CHN2: variants seen among roughly 807,000 people sequenced by gnomAD.
CHN2 encodes beta-chimaerin.
A neutral mutation model predicts 56.3 loss-of-function variants in CHN2; 35 were observed. The observed-to-expected ratio is 0.62, with a 90% CI of 0.47 to 0.82. The LOEUF (loss-of-function observed/expected upper bound fraction) is 0.82, where lower values mean the gene tolerates loss of function less well. CHN2 is among the 40% of genes least tolerant of loss of function. The pLI is 0.00. For missense variants in CHN2, 491 were observed against 580.5 expected (o/e 0.85, Z 1.58); for synonymous variants, 210 against 212.8 (o/e 0.99, Z 0.12).
At chr7:29,146,811 T>A in intron 1 of CHN2, 1 of 1,550,312 alleles carries the variant, frequency 6.5e-7, no homozygotes, top group Admixed American at 2.0e-5. Flanking sequence ...TATCTTAAAA[T>A]TTCAACCCTG....
chr7:29,308,459 TG>T (rs1392260103), intron 1 of CHN2, among the ~76,000 whole-genome samples: 3 of 31,104 alleles, frequency 9.6e-5, no homozygotes, highest in African/African-American at 3.3e-4. Context: ...GCAAGGTGGT[TG>T]GGGTGTGTGT....
intron 6 of CHN2, among the ~76,000 whole-genome samples, chr7:29,471,258 A>C (rs997575070): frequency 6.6e-6 from 1 of 152,368 alleles, no homozygotes; most frequent in Non-Finnish European, 1.5e-5. Context: ...CAAAACAAAA[A>C]AGCAAATAAT....
At chr7:29,251,682 A>G (rs2128819465) in intron 1 of CHN2, among the ~76,000 whole-genome samples, 1 of 152,318 alleles carries the variant, frequency 6.6e-6, no homozygotes, top group East Asian at 1.9e-4. Context: ...TTTGATAAAC[A>G]GAGATTTCAC....
In CHN2 at chr7:29,434,685, A is replaced by C. The variant is rs367785039; in HGVS notation, c.576+33857A>C. Among the ~76,000 whole-genome samples, 99 of 152,278 alleles carry C rather than the reference A, an allele frequency of 6.5e-4. 2 individuals carry two copies. In the South Asian group the frequency reaches 0.011, roughly 17 times the overall value. Reference sequence around the variant, plus strand: ...TTACATCTGCCAAGATCCTATTTCCAAATAAGGCCATAGTCGCAGGTACTG... The same window carrying C: ...TTACATCTGCCAAGATCCTATTTCCCAATAAGGCCATAGTCGCAGGTACTG... On this transcript the variant is annotated intron_variant, in intron 6 of 12. Transcript: ENST00000222792.
At chr7:29,418,219 T>A (rs1803975757) in intron 6 of CHN2, among the ~76,000 whole-genome samples, 1 of 152,216 alleles carries the variant, frequency 6.6e-6, no homozygotes, top group Admixed American at 6.5e-5. Flanking sequence ...TCAGATGGGA[T>A]GTTTTGGAGT....
upstream of CHN2, among the ~76,000 whole-genome samples, chr7:29,190,707 T>C (rs1782779844): frequency 6.6e-6 from 1 of 152,194 alleles, no homozygotes; most frequent in Non-Finnish European, 1.5e-5. Context: ...GACCGTCAAG[T>C]TCTTTCTTTT....
At chr7:29,306,762 G>A (rs1390760816) in intron 1 of CHN2, among the ~76,000 whole-genome samples, 2 of 152,182 alleles carry the variant, frequency 1.3e-5, no homozygotes, top group African/African-American at 4.8e-5. Context: ...ACTCCCTCCT[G>A]TCCCAGTAGC....
At chr7:29,189,261 C>T (rs1799105905) in intron 2 of CHN2, among the ~76,000 whole-genome samples, 1 of 152,022 alleles carries the variant, frequency 6.6e-6, no homozygotes, top group Non-Finnish European at 1.5e-5. Flanking sequence ...CAGTTTCCCT[C>T]ATATCTTTAT....
intron 1 of CHN2, among the ~76,000 whole-genome samples, chr7:29,282,305 C>T (rs890017994): frequency 1.3e-5 from 2 of 151,688 alleles, no homozygotes; most frequent in African/African-American, 4.9e-5. Context: ...GAAGTTTCCA[C>T]TGAGTGCCCA....
chr7:29,431,866 C>T (rs1782881469), intron 6 of CHN2, among the ~76,000 whole-genome samples: 1 of 152,220 alleles, frequency 6.6e-6, no homozygotes, highest in Admixed American at 6.5e-5. Context: ...CTTAACCTTC[C>T]AGATGGTCCT....
At chr7:29,307,594 C>T (rs1794272341) in intron 1 of CHN2, among the ~76,000 whole-genome samples, 1 of 152,186 alleles carries the variant, frequency 6.6e-6, no homozygotes, top group African/African-American at 2.4e-5. Context: ...CAAGTGTAAT[C>T]ACAAGAGCCC....
chr7:29,354,509 C>T, intron 1 of CHN2, 116 bp from the exon 2 acceptor site: 1 of 848,260 alleles, frequency 1.2e-6, no homozygotes, highest in South Asian at 1.5e-5. Flanking sequence ...GAAGAGAGTC[C>T]CCCTGAGACC....
intron 2 of CHN2, among the ~76,000 whole-genome samples, chr7:29,178,415 C>T (rs775125887): frequency 2.0e-5 from 3 of 152,132 alleles, no homozygotes; most frequent in Non-Finnish European, 4.4e-5. Context: ...ACGCCAGCTC[C>T]ACTGGCCGCC....
At chr7:29,409,058 C>T (rs1802934700) in intron 6 of CHN2, among the ~76,000 whole-genome samples, 1 of 152,176 alleles carries the variant, frequency 6.6e-6, no homozygotes, top group Non-Finnish European at 1.5e-5. Flanking sequence ...TTGAGTCATC[C>T]CACTTTCCTC....
intron 2 of CHN2, among the ~76,000 whole-genome samples, chr7:29,359,015 A>G (rs569734438): frequency 3.3e-4 from 51 of 152,292 alleles, no homozygotes; most frequent in African/African-American, 1.1e-3. Flanking sequence ...ACTATCAACA[A>G]TATCAGGGCT....
At chr7:29,394,507 C>A (rs1158461297) in intron 4 of CHN2, among the ~76,000 whole-genome samples, 1 of 152,226 alleles carries the variant, frequency 6.6e-6, no homozygotes, top group Admixed American at 6.5e-5. Flanking sequence ...AGAGCCTCAT[C>A]TTCATGATTA....
chr7:29,373,390 G>A (rs369606132), intron 3 of CHN2, among the ~76,000 whole-genome samples: 10 of 151,978 alleles, frequency 6.6e-5, no homozygotes, highest in African/African-American at 2.4e-4. Context: ...GGCCAGGCTG[G>A]TCTTGAATTC....
chr7:29,217,524 GTTTATGACGTATCAAATATTTCTA>G (rs1225780029), intron 1 of CHN2, among the ~76,000 whole-genome samples: 5 of 152,170 alleles, frequency 3.3e-5, no homozygotes, highest in Admixed American at 2.0e-4. Context: ...TGCCCTGAAA[GTTTATGACGTATCAAATATTTCTA>G]ATTAAAATAG....
chr7:29,211,321 G>C (rs369344265), intron 1 of CHN2, among the ~76,000 whole-genome samples: 11 of 151,484 alleles, frequency 7.3e-5, no homozygotes, highest in Admixed American at 2.0e-4. Context: ...CTCGTGATCC[G>C]CCTGCCTCAG....
Sources: allele counts gnomAD v4.1 joint callset (sites outside exome capture counted in the v4.1 genomes callset), GRCh38; gene constraint gnomAD v4.1.1; transcripts MANE v1.5; gene names NCBI Gene and HGNC (gene_info 2026-07-23, HGNC 2026-07-21).